OOSP1: variants seen among roughly 807,000 people sequenced by gnomAD.
OOSP1 encodes the protein oocyte secreted protein 1, also known as putative oocyte-secreted protein 1 homolog.
A neutral mutation model predicts 5.7 loss-of-function variants in OOSP1; 11 were observed. The observed-to-expected ratio is 1.94, with a 90% CI of 1.22 to 3.20. OOSP1 has a LOEUF of 3.20. Among genes scored for constraint, OOSP1 ranks in the 30% most tolerant of loss-of-function variants. OOSP1 has a pLI of 0.00. For missense variants in OOSP1, 83 were observed against 54.1 expected, an observed-to-expected ratio of 1.53 and a Z score of -1.67; for synonymous variants, 44 against 20.0, an observed-to-expected ratio of 2.20 and a Z score of -3.20.
At chr11:59,945,914 G>A (rs561137435) in intron 3 of OOSP1, among the ~76,000 whole-genome samples, 11 of 152,198 alleles carry the variant, frequency 7.2e-5, no homozygotes, top group South Asian at 2.1e-4. Flanking sequence ...AGAAGGCAAA[G>A]CTGGAGCAGG....
chr11:59,951,477 A>G (rs1565233584), intron 4 of OOSP1, among the ~76,000 whole-genome samples: 2 of 152,192 alleles, frequency 1.3e-5, no homozygotes, highest in South Asian at 4.2e-4. Flanking sequence ...CGAGCTATAA[A>G]GTCACACGAG....
chr11:59,951,444 A>G (rs1565233576), intron 4 of OOSP1, among the ~76,000 whole-genome samples: 2 of 152,122 alleles, frequency 1.3e-5, no homozygotes, highest in African/African-American at 2.4e-5. Context: ...GAAGGTGTGC[A>G]TATACAGCGC....
chr11:59,956,198 TTC>T (rs201688223), intron 4 of OOSP1, among the ~76,000 whole-genome samples: 23 of 151,724 alleles, frequency 1.5e-4, no homozygotes, highest in Non-Finnish European at 2.4e-4. Flanking sequence ...CTTCTTCTTC[TTC>T]TTTTTTTTTT....
chr11:59,945,323 C>T (rs745538008), intron 3 of OOSP1, 57 bp downstream of exon 3: 8 of 702,426 alleles, frequency 1.1e-5, no homozygotes, highest in Admixed American at 6.0e-5. Context: ...ACTGTCCAGA[C>T]AAAAATGCCA....
rs200417976 is a variant in OOSP1, at chr11:59,956,149, GT to G, written c.487-1042del. 6.3e-3 allele frequency among the ~76,000 whole-genome samples: 963 copies of G among 151,922 alleles called. 8 individuals are homozygous for G. The highest frequency in any genetic ancestry group is 0.021 in the African/African-American group (863 of 41,466). On this transcript the variant is annotated intron_variant, in intron 4 of 4. Transcript: ENST00000646685. ...CAAGAATGCCATCATTAGGCTTGCAGTTTTCTTTCCTCCTTCCCTTCCTCTC... is the reference window on the plus strand; with the variant it reads ...CAAGAATGCCATCATTAGGCTTGCAGTTTCTTTCCTCCTTCCCTTCCTCTC...
At chr11:59,943,591 A>G (rs560163743) in intron 2 of OOSP1, among the ~76,000 whole-genome samples, 3 of 152,360 alleles carry the variant, frequency 2.0e-5, no homozygotes, top group Non-Finnish European at 4.4e-5. Context: ...TTTTGAAGGA[A>G]GAAAGTATTT....
intron 1 of OOSP1, 74 bp downstream of exon 1, chr11:59,938,604 T>C (rs1175774338): frequency 2.3e-6 from 1 of 429,618 alleles, no homozygotes; most frequent in Non-Finnish European, 4.2e-6. Context: ...TCTTTACAGT[T>C]GTGGTCTGGT....
At chr11:59,940,138 T>C (rs995257935) in intron 1 of OOSP1, among the ~76,000 whole-genome samples, 1 of 152,248 alleles carries the variant, frequency 6.6e-6, no homozygotes, top group Admixed American at 6.5e-5. Context: ...AGACCTGACA[T>C]GGGTACATGT....
chr11:59,957,047 C>T (rs1285267129), intron 4 of OOSP1, 148 bp from the exon 5 acceptor site: 1 of 379,714 alleles, frequency 2.6e-6, no homozygotes, highest in East Asian at 3.7e-5. Flanking sequence ...TATAACAGAT[C>T]ATCTAATTTT....
chr11:59,943,274 G>T (rs1213862969), intron 2 of OOSP1, among the ~76,000 whole-genome samples: 3 of 151,326 alleles, frequency 2.0e-5, no homozygotes, highest in Non-Finnish European at 2.9e-5. Flanking sequence ...CGAGTTAATG[G>T]GTGCAGCACA....
At chr11:59,944,018 A>G (rs1226865846) in intron 2 of OOSP1, among the ~76,000 whole-genome samples, 1 of 152,216 alleles carries the variant, frequency 6.6e-6, no homozygotes, top group Non-Finnish European at 1.5e-5. Flanking sequence ...ATATTTATTA[A>G]GAAGTGTTTT....
chr11:59,949,485 G>C (rs1455671697), intron 4 of OOSP1, among the ~76,000 whole-genome samples: 1 of 151,366 alleles, frequency 6.6e-6, no homozygotes, highest in African/African-American at 2.4e-5. Flanking sequence ...AAAACTTAAA[G>C]TATAATAATA....
chr11:59,947,684 A>C, intron 3 of OOSP1, 49 bp from the exon 4 acceptor site: 1 of 397,760 alleles, frequency 2.5e-6, no homozygotes, highest in Non-Finnish European at 4.4e-6. Flanking sequence ...CTAGGATCTG[A>C]GTAGATCTTA....
intron 4 of OOSP1, among the ~76,000 whole-genome samples, chr11:59,955,000 A>G (rs748553870): frequency 6.6e-6 from 1 of 152,068 alleles, no homozygotes; most frequent in Non-Finnish European, 1.5e-5. Context: ...GAGGTGCTAT[A>G]CAAACATGAA....
chr11:59,944,576 T>C (rs1369170868), intron 2 of OOSP1, among the ~76,000 whole-genome samples: 2 of 152,154 alleles, frequency 1.3e-5, no homozygotes, highest in East Asian at 1.9e-4. Context: ...GAGAACCATA[T>C]GCTAAATGTT....
chr11:59,955,401 C>A (rs1013982753), intron 4 of OOSP1, among the ~76,000 whole-genome samples: 11 of 151,828 alleles, frequency 7.2e-5, no homozygotes, highest in Admixed American at 2.6e-4. Context: ...TCATAGGAAA[C>A]CATGACTTTT....
At chr11:59,957,479 C>T (rs562516996) in exon 5 of OOSP1, 6 of 348,830 alleles carry the variant, frequency 1.7e-5, no homozygotes, top group Admixed American at 4.7e-5. Context: ...ATTCTGAAAA[C>T]GAGCTGAAGG....
rs1565230152 is a variant in OOSP1, at chr11:59,938,537, CTT to C, written c.76+8_76+9del. ...TGCGCTGGGGACTGGTCAGGTATAA[CTT>C]ATCACTTGGGGAATAGAAGTTTCTT... On this transcript the variant is annotated splice_region_variant and intron_variant, in intron 1 of 4. Coordinates refer to ENST00000646685, the Ensembl canonical transcript of OOSP1. The C allele has an allele frequency of 3.7e-6, 2 of 538,224 alleles. No homozygotes were observed. The highest frequency in any genetic ancestry group is 3.4e-6 in the Non-Finnish European group (1 of 298,464). 33.3% of individuals were successfully genotyped at this position (538,224 alleles called of 1,614,324 possible). A position where few individuals can be genotyped will look rare whatever the true frequency, so the allele number is the denominator to read the frequency against.
chr11:59,941,732 G>A (rs773710551), intron 1 of OOSP1, among the ~76,000 whole-genome samples: 38 of 152,076 alleles, frequency 2.5e-4, no homozygotes, highest in African/African-American at 8.0e-4. Flanking sequence ...GATAAATGCC[G>A]AAGAGTTTAA....
Sources: allele counts gnomAD v4.1 joint callset (sites outside exome capture counted in the v4.1 genomes callset), GRCh38; gene constraint gnomAD v4.1.1; transcripts MANE v1.5; gene names NCBI Gene and HGNC (gene_info 2026-07-23, HGNC 2026-07-21).